ZNF444: variants seen among roughly 807,000 people sequenced by gnomAD.
ZNF444 encodes zinc finger protein 444, also known as endothelial zinc finger protein 2.
ZNF444 carries 8 observed loss-of-function variants against 14.4 expected under a neutral mutation model. The observed-to-expected ratio is 0.56, with a 90% CI of 0.33 to 1.00. The LOEUF (loss-of-function observed/expected upper bound fraction) is 1.00, where lower values mean the gene tolerates loss of function less well. Ranked by LOEUF, ZNF444 falls within the 50% of genes least tolerant of loss-of-function variation. The probability of loss-of-function intolerance (pLI) is 0.03; values close to 1 mark genes in which losing one functional copy is unlikely to be tolerated. For synonymous variants in ZNF444, 258 were observed against 235.9 expected (o/e 1.09, Z -0.86); for missense variants, 510 against 504.8 (o/e 1.01, Z -0.10).
chr19:56,145,367 C>G lies in ZNF444; in HGVS notation c.-196-880C>G, dbSNP rs1352521807. Among the ~76,000 whole-genome samples, 1 of 152,214 alleles carries G rather than the reference C, an allele frequency of 6.6e-6. No homozygotes were observed. Among genetic ancestry groups the G allele is most frequent in the Non-Finnish European group, 1.5e-5 (1 of 68,042 alleles). On this transcript the variant is annotated intron_variant, in intron 1 of 4. Transcript: ENST00000337080. This position sits in a 1 kb window ranked among gnomAD's most constrained non-coding sequence, Gnocchi z 4.3. Reference sequence around the variant, plus strand: ...TTCGGAGGCCAAGGCAGGTGGATCACCTGAGGTCAGGAGTTTGAGACCAGT... The same window carrying G: ...TTCGGAGGCCAAGGCAGGTGGATCAGCTGAGGTCAGGAGTTTGAGACCAGT...
intron 3 of ZNF444, chr19:56,151,715 G>T (rs2031584436): frequency 4.4e-6 from 2 of 451,568 alleles, no homozygotes; most frequent in Non-Finnish European, 8.9e-6. Context: ...CATCTGGTCT[G>T]TGGGAGCTGA....
chr19:56,141,422 T>C (rs1340308149), intron 1 of ZNF444, 65 bp downstream of exon 1: 1 of 92,642 alleles, frequency 1.1e-5, no homozygotes, highest in Admixed American at 1.1e-4. Context: ...GGACCAGAGG[T>C]TGGATGGGAA....
At chr19:56,140,381 G>A (rs2030728389), upstream of ZNF444, among the ~76,000 whole-genome samples, 2 of 152,134 alleles carry the variant, frequency 1.3e-5, no homozygotes, top group South Asian at 4.1e-4. Context: ...ATCCAAATAT[G>A]CTTCTTCACA....
upstream of ZNF444, among the ~76,000 whole-genome samples, chr19:56,140,010 C>T (rs1463551665): frequency 6.6e-6 from 1 of 152,204 alleles, no homozygotes; most frequent in East Asian, 1.9e-4. Context: ...GAGGAGAAGA[C>T]AGTGGTAGAC....
In ZNF444 at chr19:56,159,747, G is replaced by C. The variant is rs1156909438; in HGVS notation, c.530G>C (p.Gly177Ala). ...CTGCCCGCCTTCCTAGCGGCCCCGG[G>C]CACCACGTCCTGCCCCGAGTGCGGC... The part of the protein sequence containing the change: ...PGLPAFLAAP[G>A]TTSCPECGKT... The change falls in exon 5 of 5, where the codon GGC (glycine) becomes GCC (alanine). Residue 177 changes from glycine to alanine, a missense_variant. Transcript: ENST00000337080. 1.3e-6 allele frequency: 2 copies of C among 1,587,746 alleles called. No homozygotes were observed. Among genetic ancestry groups the C allele is most frequent in the South Asian group, 1.1e-5 (1 of 87,916 alleles).
intron 2 of ZNF444, 131 bp from the exon 3 acceptor site, chr19:56,146,759 C>A: frequency 2.7e-6 from 2 of 752,184 alleles, no homozygotes; most frequent in Non-Finnish European, 3.7e-6. Flanking sequence ...TGCACTCCAA[C>A]CTGGGGGAAA....
intron 4 of ZNF444, among the ~76,000 whole-genome samples, chr19:56,159,346 C>T (rs1796254796): frequency 6.6e-6 from 1 of 151,856 alleles, no homozygotes; most frequent in Non-Finnish European, 1.5e-5. Context: ...GTCCATTCAT[C>T]ACCCATCATC....
chr19:56,149,164 G>C (rs1238820041), intron 3 of ZNF444, among the ~76,000 whole-genome samples: 1 of 87,272 alleles, frequency 1.1e-5, no homozygotes, highest in African/African-American at 6.3e-5. Flanking sequence ...CTTGACCTCT[G>C]CTTTCATCCC....
In ZNF444 at chr19:56,144,983, G is replaced by A. The variant is rs1417235103; in HGVS notation, c.-196-1264G>A. On this transcript the variant is annotated intron_variant, in intron 1 of 4. Coordinates refer to ENST00000337080, the MANE Select transcript of ZNF444 (RefSeq NM_018337.4). This position sits in a 1 kb window ranked among gnomAD's most constrained non-coding sequence, Gnocchi z 4.0. ...GCGAGTGACTATCTTTGGCTCTGTGGACAGCCTTACAGGCCACCCAGGCCC... is the reference window on the plus strand; with the variant it reads ...GCGAGTGACTATCTTTGGCTCTGTGAACAGCCTTACAGGCCACCCAGGCCC... Among the ~76,000 whole-genome samples, 2 of 152,218 alleles carry A rather than the reference G, an allele frequency of 1.3e-5. No homozygotes were observed. Among genetic ancestry groups the A allele is most frequent in the African/African-American group, 4.8e-5 (2 of 41,458 alleles).
At position 56,156,203 on chromosome 19, in the gene ZNF444, G is replaced by A. The variant is rs114062825; in HGVS notation, c.298-2291G>A. 963 of 152,406 alleles carry A rather than the reference G, an allele frequency of 6.3e-3. 12 individuals carry two copies. Among genetic ancestry groups the A allele is most frequent in the African/African-American group, 0.022 (910 of 41,574 alleles). 9.4% of individuals were successfully genotyped at this position (152,406 alleles called of 1,614,324 possible). Reference sequence around the variant, plus strand: ...GCCTCTGTCCCTGTGGACTTGGGATGCACCATCCTCCTGGCATGTGGGTGA... The same window carrying A: ...GCCTCTGTCCCTGTGGACTTGGGATACACCATCCTCCTGGCATGTGGGTGA... On this transcript the variant is annotated intron_variant, in intron 3 of 4. Coordinates refer to ENST00000337080, the MANE Select transcript of ZNF444 (RefSeq NM_018337.4).
upstream of ZNF444, among the ~76,000 whole-genome samples, chr19:56,138,165 T>C (rs879922409): frequency 8.5e-5 from 13 of 152,068 alleles, no homozygotes; most frequent in South Asian, 1.7e-3. Context: ...AAACAAAATA[T>C]GGTCTGTGTA....
At chr19:56,154,471 T>G (rs2031778918) in intron 3 of ZNF444, 1 of 152,160 alleles carries the variant, frequency 6.6e-6, no homozygotes, top group Non-Finnish European at 1.5e-5. Flanking sequence ...CTGGCTAATT[T>G]TTTTGTATTT....
Position 56,158,571 on chromosome 19 carries a change from TGG to T in ZNF444, c.376_377del (p.Gly126LysfsTer17). On this transcript the variant is annotated frameshift_variant, in exon 4 of 5. Coordinates refer to ENST00000337080, the MANE Select transcript of ZNF444 (RefSeq NM_018337.4). LOFTEE classifies it low-confidence loss of function (END_TRUNC). Reference protein sequence around the residue: ...DVTQGPGATGGKEDSGMIPLA... With the variant: ...DVTQGPGATGXKEDSGMIPLA... ...TGACGCAGGGCCCTGGGGCCACAGG[TGG>T]AAAGGAGGACAGTGGGATGATTCCC... The T allele has an allele frequency of 6.2e-7, 1 of 1,611,080 alleles. No homozygotes were observed. The highest frequency in any genetic ancestry group is 8.5e-7 in the Non-Finnish European group (1 of 1,178,632).
chr19:56,150,515 TCTC>T (rs2031510286), intron 3 of ZNF444: 2 of 377,310 alleles, frequency 5.3e-6, no homozygotes, highest in East Asian at 7.2e-5. Flanking sequence ...TTCAGAGCCT[TCTC>T]CTATCAGTGT....
At position 56,160,187 on chromosome 19, in the gene ZNF444, T is replaced by C. The variant is rs1443653837; in HGVS notation, c.970T>C (p.Trp324Arg). Reference sequence around the variant, plus strand: ...GGATGGTGGAGGCCCCTTCCCGCCCTGGCCCTTGGGTTAGCCGCCTCCCGG... The same window carrying C: ...GGATGGTGGAGGCCCCTTCCCGCCCCGGCCCTTGGGTTAGCCGCCTCCCGG... ...GPDGGGPFPP[W>R]PLG The change falls in exon 5 of 5, where the codon TGG becomes CGG. Residue 324 changes from tryptophan to arginine, a missense_variant. Coordinates refer to ENST00000337080, the MANE Select transcript of ZNF444 (RefSeq NM_018337.4). 3 of 1,463,652 alleles carry C rather than the reference T, an allele frequency of 2.0e-6. No homozygotes were observed. The highest frequency in any genetic ancestry group is 1.8e-6 in the Non-Finnish European group (2 of 1,117,878). 90.7% of individuals were successfully genotyped at this position (1,463,652 alleles called of 1,614,324 possible).
At chr19:56,135,281 T>C (rs546122002) in intron 1 of ZNF444, among the ~76,000 whole-genome samples, 2 of 152,222 alleles carry the variant, frequency 1.3e-5, no homozygotes, top group South Asian at 4.2e-4. Flanking sequence ...TTCAACCAAG[T>C]GCAGGGCAGC....
At chr19:56,146,854 C>T (rs914209246) in intron 2 of ZNF444, 36 bp from the exon 3 acceptor site, 236 of 1,328,174 alleles carry the variant, frequency 1.8e-4, no homozygotes, top group Non-Finnish European at 2.2e-4. Context: ...GGCAGGGTCT[C>T]GGCGGGCAGG....
chr19:56,138,909 G>C (rs1287748638), upstream of ZNF444, among the ~76,000 whole-genome samples: 1 of 146,276 alleles, frequency 6.8e-6, no homozygotes, highest in Non-Finnish European at 1.5e-5. Flanking sequence ...AGATTCTCTG[G>C]CCTCACCCTC....
chr19:56,137,176 GA>G (rs1383677647), upstream of ZNF444, among the ~76,000 whole-genome samples: 1 of 151,714 alleles, frequency 6.6e-6, no homozygotes, highest in Non-Finnish European at 1.5e-5. Context: ...GAACTTAAAA[GA>G]GTGACCCATG....
Sources: gnomAD v4.1 joint callset for allele counts (sites outside exome capture counted in the v4.1 genomes callset) on GRCh38, gnomAD v4.1.1 for gene constraint, Gnocchi (gnomAD v3.1) non-coding constraint, MANE v1.5 for transcripts, NCBI Gene and HGNC (gene_info 2026-07-23, HGNC 2026-07-21) for gene names.